The following CNTN6 variants were observed in gnomAD, a reference collection of about 807,000 sequenced individuals.
The protein encoded by CNTN6 is contactin-6.
Under a neutral mutation model 122.8 loss-of-function variants are expected in CNTN6, and 137 were observed. That is an observed-to-expected ratio of 1.12 (90% CI 0.97 to 1.29). The LOEUF is 1.29. CNTN6 is among the 50% of genes most tolerant of loss of function. CNTN6 has a pLI of 0.00. For synonymous variants in CNTN6, 570 were observed against 426.0 expected (o/e 1.34, Z -4.16); for missense variants, 1,634 against 1,223.4 (o/e 1.34, Z -5.01).
chr3:1,388,270 C>T (rs1398905215), intron 20 of CNTN6, among the ~76,000 whole-genome samples: 2,299 of 148,732 alleles, frequency 0.015, 45 homozygotes, highest in Non-Finnish European at 0.024. Flanking sequence ...CCCCGAGCAG[C>T]CTAACTGGGA....
At chr3:1,165,519 C>A (rs1001354274) in intron 2 of CNTN6, among the ~76,000 whole-genome samples, 2 of 152,082 alleles carry the variant, frequency 1.3e-5, no homozygotes, top group African/African-American at 4.8e-5. Flanking sequence ...TTTTTTCCTA[C>A]CTTTCTTCTA....
At chr3:1,190,803 T>A (rs1188340446) in intron 2 of CNTN6, among the ~76,000 whole-genome samples, 1 of 152,136 alleles carries the variant, frequency 6.6e-6, no homozygotes. Flanking sequence ...TATCTAGGGA[T>A]CCCCTTCTGT....
intron 5 of CNTN6, among the ~76,000 whole-genome samples, chr3:1,289,461 G>T (rs1694910498): frequency 6.6e-6 from 1 of 152,162 alleles, no homozygotes; most frequent in Non-Finnish European, 1.5e-5. Flanking sequence ...TTGTAAAAAT[G>T]AAGTGGTTGG....
At chr3:1,286,498 T>G (rs1056198891) in intron 5 of CNTN6, among the ~76,000 whole-genome samples, 5 of 152,164 alleles carry the variant, frequency 3.3e-5, no homozygotes, top group African/African-American at 7.2e-5. Context: ...GTTTCGAGCT[T>G]CATCCATGTC....
At chr3:1,224,430 C>T (rs751082428) in intron 3 of CNTN6, among the ~76,000 whole-genome samples, 3 of 152,080 alleles carry the variant, frequency 2.0e-5, no homozygotes, top group African/African-American at 2.4e-5. Flanking sequence ...TGAATGCTCT[C>T]ACCACAGACA....
chr3:1,122,269 AAGAG>A (rs761642938), intron 1 of CNTN6, among the ~76,000 whole-genome samples: 6 of 150,880 alleles, frequency 4.0e-5, no homozygotes, highest in South Asian at 2.1e-4. Flanking sequence ...AGAAAAAAGA[AAGAG>A]AGAGAGAGGA....
chr3:1,299,971 A>G (rs1166975111), intron 7 of CNTN6, among the ~76,000 whole-genome samples: 1 of 152,038 alleles, frequency 6.6e-6, no homozygotes, highest in Admixed American at 6.6e-5. Context: ...ACCAAAATCC[A>G]AATTTCATTC....
intron 8 of CNTN6, among the ~76,000 whole-genome samples, chr3:1,323,509 GAA>G (rs1701139413): frequency 6.6e-6 from 1 of 151,662 alleles, no homozygotes; most frequent in Non-Finnish European, 1.5e-5. Context: ...GCTTTCAAAA[GAA>G]AAGAGGATTA....
At chr3:1,368,408 A>G (rs1708531105) in intron 12 of CNTN6, among the ~76,000 whole-genome samples, 1 of 152,216 alleles carries the variant, frequency 6.6e-6, no homozygotes, top group Admixed American at 6.5e-5. Flanking sequence ...TCAGCTCTAG[A>G]TATTTCAACA....
intron 12 of CNTN6, among the ~76,000 whole-genome samples, chr3:1,363,829 C>A (rs950050570): frequency 6.6e-6 from 1 of 151,810 alleles, no homozygotes; most frequent in Non-Finnish European, 1.5e-5. Flanking sequence ...TTTAGGGAAC[C>A]CTCCATACTG....
chr3:1,154,807 T>G (rs2092927501), intron 2 of CNTN6, among the ~76,000 whole-genome samples: 1 of 152,198 alleles, frequency 6.6e-6, no homozygotes, highest in African/African-American at 2.4e-5. Context: ...TCAAACTCCT[T>G]GCCATTCCAT....
chr3:1,189,519 C>A (rs1455561288), intron 2 of CNTN6, among the ~76,000 whole-genome samples: 7 of 152,136 alleles, frequency 4.6e-5, no homozygotes, highest in South Asian at 4.1e-4. Flanking sequence ...AAAGTGCTTA[C>A]CACATTCACT....
intron 2 of CNTN6, among the ~76,000 whole-genome samples, chr3:1,187,592 T>A (rs940586066): frequency 6.6e-6 from 1 of 152,134 alleles, no homozygotes; most frequent in Admixed American, 6.5e-5. Flanking sequence ...ACAGTTTTCA[T>A]AGGGAGGCTG....
In CNTN6 at chr3:1,158,855, TATATATACACACATATATATACAC is replaced by T. The variant is rs1416791260; in HGVS notation, c.55+10824_55+10847del. 1.5e-3 allele frequency among the ~76,000 whole-genome samples: 180 copies of T among 118,008 alleles called. 3 individuals carry two copies. Among genetic ancestry groups the T allele is most frequent in the East Asian group, 4.2e-3 (16 of 3,848 alleles). 77.4% of individuals were successfully genotyped at this position (118,008 alleles called of 152,430 possible). On this transcript the variant is annotated intron_variant, in intron 2 of 22. Coordinates refer to ENST00000446702, the MANE Select transcript of CNTN6 (RefSeq NM_001289080.2). ...ATACACACACATATATATACATACA[TATATATACACACATATATATACAC>T]ATATATACACACATATATATACACA...
At chr3:1,227,150 C>A (rs990953083) in intron 3 of CNTN6, among the ~76,000 whole-genome samples, 1 of 152,114 alleles carries the variant, frequency 6.6e-6, no homozygotes, top group African/African-American at 2.4e-5. Context: ...AATTCATGTA[C>A]TAAAGAATTG....
At chr3:1,391,366 A>G (rs1285684939) in intron 20 of CNTN6, among the ~76,000 whole-genome samples, 2 of 122,090 alleles carry the variant, frequency 1.6e-5, no homozygotes, top group African/African-American at 3.6e-5. Context: ...CCTTCATGCT[A>G]AAAACTCTCA....
At chr3:1,146,408 T>C (rs2092723809) in intron 1 of CNTN6, among the ~76,000 whole-genome samples, 1 of 152,108 alleles carries the variant, frequency 6.6e-6, no homozygotes, top group Non-Finnish European at 1.5e-5. Context: ...CCTTCCTTCA[T>C]ACCTATTGTA....
chr3:1,172,923 T>C (rs2093384719), intron 2 of CNTN6, among the ~76,000 whole-genome samples: 1 of 152,178 alleles, frequency 6.6e-6, no homozygotes, highest in Non-Finnish European at 1.5e-5. Flanking sequence ...GAGGCAGGAA[T>C]CTCTGCCCAT....
chr3:1,262,227 C>T (rs2094857374), intron 4 of CNTN6, among the ~76,000 whole-genome samples: 1 of 152,120 alleles, frequency 6.6e-6, no homozygotes, highest in South Asian at 2.1e-4. Context: ...GGCTCAGGGG[C>T]AGAGAAGCTT....
Sources: gnomAD v4.1 joint callset for allele counts (sites outside exome capture counted in the v4.1 genomes callset) on GRCh38, gnomAD v4.1.1 for gene constraint, MANE v1.5 for transcripts, NCBI Gene and HGNC (gene_info 2026-07-23, HGNC 2026-07-21) for gene names.